The following ZNF280D variants were observed in gnomAD, a reference collection of about 807,000 sequenced individuals.
ZNF280D encodes the protein suppressor of hairy wing homolog 4.
In ZNF280D, 39 loss-of-function variants were observed where a neutral mutation model predicts 94.7. The observed-to-expected ratio is 0.41, with a 90% CI of 0.32 to 0.54. The LOEUF (loss-of-function observed/expected upper bound fraction) is 0.54. ZNF280D is among the 20% of genes least tolerant of loss of function. The pLI is 0.22. For missense variants in ZNF280D, 1,090 were observed against 1,149.3 expected, an observed-to-expected ratio of 0.95 and a Z score of 0.75; for synonymous variants, 398 against 377.6, an observed-to-expected ratio of 1.05 and a Z score of -0.63.
intron 20 of ZNF280D, among the ~76,000 whole-genome samples, chr15:56,639,470 C>G (rs1308379420): frequency 6.6e-6 from 1 of 151,858 alleles, no homozygotes; most frequent in Non-Finnish European, 1.5e-5. Flanking sequence ...ATGCCTAATA[C>G]AATGAATGAA....
intron 16 of ZNF280D, among the ~76,000 whole-genome samples, chr15:56,666,086 A>G (rs1473468318): frequency 1.3e-5 from 2 of 151,470 alleles, no homozygotes; most frequent in Non-Finnish European, 2.9e-5. Context: ...CAGTGAGCTG[A>G]TGCCACTGCA....
At chr15:56,728,314 C>T (rs2058727362) in intron 1 of ZNF280D, among the ~76,000 whole-genome samples, 1 of 152,192 alleles carries the variant, frequency 6.6e-6, no homozygotes, top group African/African-American at 2.4e-5. Flanking sequence ...GCCACCACAC[C>T]CGGCCTTGAT....
intron 20 of ZNF280D, among the ~76,000 whole-genome samples, chr15:56,637,778 CTAG>C (rs1788139539): frequency 1.3e-5 from 2 of 151,742 alleles, no homozygotes; most frequent in Admixed American, 1.3e-4. Context: ...GCAACCTGTA[CTAG>C]TAGTCATTGT....
chr15:56,649,404 T>G (rs2053082272), intron 19 of ZNF280D, among the ~76,000 whole-genome samples: 1 of 152,110 alleles, frequency 6.6e-6, no homozygotes, highest in East Asian at 1.9e-4. Flanking sequence ...AAGTCCAAAT[T>G]GCCAGAAACC....
rs1274451624 is a variant in ZNF280D at position 56,666,428 on chromosome 15, C to T, written c.1961G>A (p.Ser654Asn). 1.2e-6 allele frequency: 2 copies of T among 1,607,004 alleles called. No homozygotes were observed. Among genetic ancestry groups the T allele is most frequent in the Non-Finnish European group, 1.7e-6 (2 of 1,177,992 alleles). ...ATGATTTACATAGGCTTTGCTACAG[C>T]TAGTGTTGTATCTGCAAAAACTACA... Reference protein sequence around the residue: ...VHCSFCRYNTSCSKAYVNHMM... With the variant: ...VHCSFCRYNTNCSKAYVNHMM... Residue 654 changes from serine (S) to asparagine (N), a missense_variant, in exon 16 of 22, where the codon AGC becomes AAC. Physicochemically the swap from Ser to Asn is conservative, Grantham distance 46 (BLOSUM62 1). Around this residue, in one of 3 missense-constraint regions of ZNF280D, gnomAD observed 577 missense variants for 568.8 expected, o/e 1.01. Coordinates refer to ENST00000267807, the MANE Select transcript of ZNF280D (RefSeq NM_017661.4).
intron 1 of ZNF280D, among the ~76,000 whole-genome samples, chr15:56,720,844 C>T (rs1219992071): frequency 1.3e-5 from 2 of 151,746 alleles, no homozygotes; most frequent in Non-Finnish European, 2.9e-5. Flanking sequence ...CAATAACAGG[C>T]TTAAATTTTC....
intron 16 of ZNF280D, among the ~76,000 whole-genome samples, chr15:56,665,703 CAAAAAAA>C (rs71113013): frequency 2.3e-5 from 2 of 86,424 alleles, no homozygotes; most frequent in East Asian, 7.1e-4. Flanking sequence ...GACTCCGTCT[CAAAAAAA>C]AAAAAAAAAA....
At chr15:56,654,342 A>C (rs769172124) in intron 18 of ZNF280D, 43 bp downstream of exon 18, 2 of 1,595,466 alleles carry the variant, frequency 1.3e-6, no homozygotes, top group Non-Finnish European at 1.7e-6. Context: ...AAATACTGGA[A>C]TAAAAGTCAA....
intron 1 of ZNF280D, among the ~76,000 whole-genome samples, chr15:56,719,215 AG>A (rs762941060): frequency 5.3e-5 from 8 of 152,130 alleles, no homozygotes; most frequent in Non-Finnish European, 1.0e-4. Flanking sequence ...TGTTGCAGGT[AG>A]GGTAATGAGA....
intron 1 of ZNF280D, among the ~76,000 whole-genome samples, chr15:56,708,547 T>C (rs144231005): frequency 6.6e-6 from 1 of 152,340 alleles, no homozygotes; most frequent in East Asian, 1.9e-4. Flanking sequence ...AAGTATCTAC[T>C]GGCTTCAGAA....
intron 8 of ZNF280D, 62 bp from the exon 9 acceptor site, chr15:56,689,212 C>T (rs2056268689): frequency 3.2e-6 from 5 of 1,551,856 alleles, no homozygotes; most frequent in Non-Finnish European, 4.4e-6. Context: ...TAAATAACCA[C>T]TAATAATACT....
intron 13 of ZNF280D, among the ~76,000 whole-genome samples, chr15:56,669,419 A>C (rs1342604101): frequency 4.6e-5 from 7 of 152,018 alleles, no homozygotes; most frequent in Admixed American, 4.6e-4. Context: ...ATTTTATAGA[A>C]GTGGTTACAT....
chr15:56,698,268 G>T (rs1183903951), intron 6 of ZNF280D: 2 of 152,172 alleles, frequency 1.3e-5, no homozygotes, highest in East Asian at 1.9e-4. Context: ...AATTACACAG[G>T]TCTTCCAAAT....
intron 13 of ZNF280D, among the ~76,000 whole-genome samples, chr15:56,669,974 A>ATTATATATATATTATATATATATATT (rs1230973169): frequency 1.3e-3 from 1 of 782 alleles, no homozygotes; most frequent in Non-Finnish European, 2.9e-3. Flanking sequence ...ATATATATAT[A>ATTATATATATATTATATATATATATT]ATATATATAT....
intron 13 of ZNF280D, 61 bp from the exon 14 acceptor site, chr15:56,669,018 C>T (rs1238086275): frequency 6.7e-7 from 1 of 1,488,450 alleles, no homozygotes; most frequent in African/African-American, 1.4e-5. Flanking sequence ...AATCCTGTGT[C>T]CTGAAACTGC....
rs2057467814 is a variant in ZNF280D at position 56,707,310 on chromosome 15, T to C, written c.-85-4A>G. ...CAAGTTATTTCTGTTTTCCTTCCTA[T>C]AAAATAAAGATACCAACTATTAGGG... On this transcript the variant is annotated splice_region_variant and splice_polypyrimidine_tract_variant and intron_variant, in intron 1 of 21. Coordinates refer to ENST00000267807, the MANE Select transcript of ZNF280D (RefSeq NM_017661.4). The C allele has an allele frequency of 6.6e-7, 1 of 1,525,968 alleles. No homozygotes were observed. Among genetic ancestry groups the C allele is most frequent in the Non-Finnish European group, 8.8e-7 (1 of 1,140,188 alleles). The allele number at this position is 1,525,968 out of a possible 1,614,324, so 94.5% of individuals were successfully genotyped here. A position where few individuals can be genotyped will look rare whatever the true frequency, so the allele number is the denominator to read the frequency against.
At chr15:56,662,038 G>C (rs1365580162) in intron 16 of ZNF280D, among the ~76,000 whole-genome samples, 1 of 152,010 alleles carries the variant, frequency 6.6e-6, no homozygotes, top group Non-Finnish European at 1.5e-5. Flanking sequence ...TACCTTCCTA[G>C]TAGGTACATA....
intron 1 of ZNF280D, among the ~76,000 whole-genome samples, chr15:56,716,612 C>A (rs763538613): frequency 1.8e-4 from 27 of 151,766 alleles, no homozygotes; most frequent in Non-Finnish European, 3.5e-4. Flanking sequence ...AAATTCTGTC[C>A]TTATCCTAAG....
chr15:56,638,105 A>C (rs2052443568), intron 20 of ZNF280D, among the ~76,000 whole-genome samples: 1 of 152,212 alleles, frequency 6.6e-6, no homozygotes, highest in African/African-American at 2.4e-5. Flanking sequence ...TAACAAAGTG[A>C]GCCTGTCATA....
Sources: allele counts gnomAD v4.1 joint callset (sites outside exome capture counted in the v4.1 genomes callset), GRCh38; gene constraint gnomAD v4.1.1; regional missense constraint gnomAD v4.1.1; transcripts MANE v1.5; gene names NCBI Gene and HGNC (gene_info 2026-07-23, HGNC 2026-07-21).